Variants in DERA observed in about 807,000 individuals in gnomAD.
DERA encodes 2-deoxy-D-ribose 5-phosphate aldolase.
A neutral mutation model predicts 41.1 loss-of-function variants in DERA; 15 were observed. The observed-to-expected ratio is 0.37, with a 90% CI of 0.24 to 0.56. The LOEUF (loss-of-function observed/expected upper bound fraction) is 0.56, where lower values mean the gene tolerates loss of function less well. Ranked by LOEUF, DERA falls within the 20% of genes least tolerant of loss-of-function variation. The pLI is 0.81. For missense variants in DERA, 396 were observed against 403.4 expected (o/e 0.98, Z 0.16); for synonymous variants, 139 against 137.4 (o/e 1.01, Z -0.08).
At position 15,966,403 on chromosome 12, in the gene DERA, G is replaced by T. The variant is rs1256265814; in HGVS notation, c.508+3456G>T. 6.6e-6 allele frequency among the ~76,000 whole-genome samples: 1 copy of T among 151,912 alleles called. No individual in the cohort carries two copies. Among genetic ancestry groups the T allele is most frequent in the East Asian group, 1.9e-4 (1 of 5,178 alleles). ...TGCTTGAACCTGGGAGGCAGAGGTTGCAGGGAGCCAAGATTGCGCCACTGC... is the reference window on the plus strand; with the variant it reads ...TGCTTGAACCTGGGAGGCAGAGGTTTCAGGGAGCCAAGATTGCGCCACTGC... On this transcript the variant is annotated intron_variant, in intron 5 of 8. Transcript: ENST00000428559. The surrounding 1 kb of genome is among the most constrained non-coding windows in gnomAD (Gnocchi z 5.1).
chr12:16,015,478 C>T (rs1465227469), intron 6 of DERA, among the ~76,000 whole-genome samples: 1 of 152,172 alleles, frequency 6.6e-6, no homozygotes, highest in East Asian at 1.9e-4. Context: ...GCCTAGCTTC[C>T]TTTTCATCTT....
In DERA at chr12:15,990,470, T is replaced by A. The variant is rs1376960780; in HGVS notation, c.637+8034T>A. ...TTTAGTTTTATTTTTAACTTTTAAGTTCAGGGGTACAAGTACAGGTTTGTT... is the reference window on the plus strand; with the variant it reads ...TTTAGTTTTATTTTTAACTTTTAAGATCAGGGGTACAAGTACAGGTTTGTT... On this transcript the variant is annotated intron_variant, in intron 6 of 8. Transcript: ENST00000428559. The surrounding 1 kb of genome is among the most constrained non-coding windows in gnomAD (Gnocchi z 4.3). Among the ~76,000 whole-genome samples, 2 of 152,174 alleles carry A rather than the reference T, an allele frequency of 1.3e-5. No homozygotes were observed. Among genetic ancestry groups the A allele is most frequent in the African/African-American group, 4.8e-5 (2 of 41,452 alleles).
At position 16,035,488 on chromosome 12, in the gene DERA, A is replaced by G. The variant is rs1444595825; in HGVS notation, c.751-744A>G. 2.0e-5 allele frequency among the ~76,000 whole-genome samples: 3 copies of G among 152,202 alleles called. No homozygotes were observed. Among genetic ancestry groups the G allele is most frequent in the Non-Finnish European group, 2.9e-5 (2 of 68,036 alleles). The stretch of plus-strand genomic sequence containing the variant: ...ATCAGAGTTTTATTGTATATGGAAC[A>G]TATCTTTCATTTCCTAATGGATCCA... On this transcript the variant is annotated intron_variant, in intron 7 of 8. Transcript: ENST00000428559. This position sits in a 1 kb window ranked among gnomAD's most constrained non-coding sequence, Gnocchi z 4.1.
intron 1 of DERA, among the ~76,000 whole-genome samples, chr12:15,946,158 A>G (rs559107725): frequency 2.0e-5 from 3 of 152,100 alleles, no homozygotes; most frequent in Non-Finnish European, 2.9e-5. Context: ...TTTTGCATCG[A>G]TGTTCATCAG....
intron 7 of DERA, among the ~76,000 whole-genome samples, chr12:16,033,544 CAA>C (rs971983807): frequency 1.3e-5 from 2 of 148,592 alleles, no homozygotes; most frequent in African/African-American, 5.0e-5. Flanking sequence ...CAAATTATCT[CAA>C]AGGATTTTTT....
At position 15,965,456 on chromosome 12, in the gene DERA, A is replaced by G. The variant is rs1948615598; in HGVS notation, c.508+2509A>G. Among the ~76,000 whole-genome samples, 1 of 151,612 alleles carries G rather than the reference A, an allele frequency of 6.6e-6. No individual in the cohort carries two copies. Among genetic ancestry groups the G allele is most frequent in the Non-Finnish European group, 1.5e-5 (1 of 67,878 alleles). On this transcript the variant is annotated intron_variant, in intron 5 of 8. Coordinates refer to ENST00000428559, the MANE Select transcript of DERA (RefSeq NM_015954.4). The surrounding 1 kb of genome is among the most constrained non-coding windows in gnomAD (Gnocchi z 4.1). Reference sequence around the variant, plus strand: ...TTTCCCTAATGCACTACCTGCCTCCACCCTCCCCCAACAGGCCCCACTGTG... The same window carrying G: ...TTTCCCTAATGCACTACCTGCCTCCGCCCTCCCCCAACAGGCCCCACTGTG...
At position 15,913,045 on chromosome 12, in the gene DERA, C is replaced by T. The variant is rs1022486393; in HGVS notation, c.31+1631C>T. On this transcript the variant is annotated intron_variant, in intron 1 of 8. Coordinates refer to ENST00000428559, the MANE Select transcript of DERA (RefSeq NM_015954.4). This position sits in a 1 kb window ranked among gnomAD's most constrained non-coding sequence, Gnocchi z 4.5. ...TGGGGTGGTGTCTTACCTGGGTATTCCCAGGAATATGACCATGTGACTATG... is the reference window on the plus strand; with the variant it reads ...TGGGGTGGTGTCTTACCTGGGTATTTCCAGGAATATGACCATGTGACTATG... 4.6e-5 allele frequency among the ~76,000 whole-genome samples: 7 copies of T among 152,100 alleles called. No individual in the cohort carries two copies. Among genetic ancestry groups the T allele is most frequent in the Non-Finnish European group, 2.9e-5 (2 of 68,024 alleles).
At chr12:16,023,510 C>T (rs1222481479) in intron 6 of DERA, among the ~76,000 whole-genome samples, 6 of 139,096 alleles carry the variant, frequency 4.3e-5, no homozygotes, top group Non-Finnish European at 9.1e-5. Context: ...CGGAGTCTCG[C>T]TCTGTCACCC....
chr12:15,986,762 A>G (rs1240904240), intron 6 of DERA, among the ~76,000 whole-genome samples: 1 of 152,218 alleles, frequency 6.6e-6, no homozygotes, highest in Non-Finnish European at 1.5e-5. Flanking sequence ...TGTTTTCCCT[A>G]AATGTATCAC....
At chr12:16,024,785 G>T (rs561262131) in intron 6 of DERA, among the ~76,000 whole-genome samples, 1 of 151,930 alleles carries the variant, frequency 6.6e-6, no homozygotes, top group African/African-American at 2.4e-5. Context: ...AAAAGGAAGC[G>T]CATTAGAGAA....
At position 15,994,477 on chromosome 12, in the gene DERA, G is replaced by A. The variant is rs1034606326; in HGVS notation, c.637+12041G>A. ...ATTAGAAAATTCTTTTTTTTGAGAC[G>A]GAGTCTCGTTCTGTCGCCCAGGCTG... is the stretch of plus-strand genomic sequence containing the variant. On this transcript the variant is annotated intron_variant, in intron 6 of 8. Transcript: ENST00000428559. This position sits in a 1 kb window ranked among gnomAD's most constrained non-coding sequence, Gnocchi z 4.8. Among the ~76,000 whole-genome samples, 3 of 152,020 alleles carry A rather than the reference G, an allele frequency of 2.0e-5. No individual in the cohort carries two copies. The highest frequency in any genetic ancestry group is 4.8e-5 in the African/African-American group (2 of 41,392).
In DERA at chr12:16,013,679, C is replaced by T. The variant is rs760531730; in HGVS notation, c.638-18863C>T. Among the ~76,000 whole-genome samples, 2 of 152,068 alleles carry T rather than the reference C, an allele frequency of 1.3e-5. No homozygotes were observed. The highest frequency in any genetic ancestry group is 2.9e-5 in the Non-Finnish European group (2 of 68,008). ...TAGTGGGACACTGCTATAAGGATAC[C>T]CGAAAATGCGGAAGCAACTTTGGAA... On this transcript the variant is annotated intron_variant, in intron 6 of 8. Coordinates refer to ENST00000428559, the MANE Select transcript of DERA (RefSeq NM_015954.4). The surrounding 1 kb of genome is among the most constrained non-coding windows in gnomAD (Gnocchi z 5.8).
At chr12:15,980,834 A>G (rs1207358456) in intron 5 of DERA, among the ~76,000 whole-genome samples, 2 of 151,936 alleles carry the variant, frequency 1.3e-5, no homozygotes, top group African/African-American at 4.8e-5. Flanking sequence ...TTCATTTTTC[A>G]CTTCTGAGCT....
rs1948631175 is a variant in DERA at position 15,967,531 on chromosome 12, G to A, written c.508+4584G>A. Among the ~76,000 whole-genome samples the A allele has an allele frequency of 6.6e-6, 1 of 152,086 alleles. No individual in the cohort carries two copies. The highest frequency in any genetic ancestry group is 6.6e-5 in the Admixed American group (1 of 15,264). On this transcript the variant is annotated intron_variant, in intron 5 of 8. Transcript: ENST00000428559. The surrounding 1 kb of genome is among the most constrained non-coding windows in gnomAD (Gnocchi z 4.9). ...AATTTTTTCTTGATTATTCCAAACT[G>A]TTTCATTACTGATTATATTATCCCA...
intron 6 of DERA, among the ~76,000 whole-genome samples, chr12:16,002,349 G>A (rs55850346): frequency 0.22 from 32,835 of 151,836 alleles, 4,453 homozygotes; most frequent in East Asian, 0.38. Context: ...ATAACCTTTA[G>A]TTAAATGTGG....
At chr12:15,987,446 G>A (rs112393763) in intron 6 of DERA, among the ~76,000 whole-genome samples, 9,779 of 151,440 alleles carry the variant, frequency 0.065, 1,012 homozygotes, top group African/African-American at 0.22. Flanking sequence ...CATATTGGCC[G>A]GGTTGGTCTG....
At chr12:15,912,886 T>G (rs1948174848) in intron 1 of DERA, among the ~76,000 whole-genome samples, 1 of 152,212 alleles carries the variant, frequency 6.6e-6, no homozygotes, top group Admixed American at 6.5e-5. Flanking sequence ...ACCTGGTTGA[T>G]TTTGTTTTAG....
rs200811658 is a variant in DERA, at chr12:15,959,907, A to G, written c.356A>G (p.Asn119Ser). ...AAAGCACTCAAGGCTGCAGGCTGTA[A>G]TATCCCTGTGGCATCAGGTAAAATG... The part of the protein sequence containing the change: ...AVKALKAAGC[N>S]IPVASVAAGF... Residue 119 changes from asparagine (N) to serine (S), a missense_variant, in exon 4 of 9, where the codon AAT (asparagine) becomes AGT (serine). Asn to Ser is a conservative substitution (Grantham distance 46). Transcript: ENST00000428559. The surrounding 1 kb of genome is among the most constrained non-coding windows in gnomAD (Gnocchi z 4.5). 1.7e-5 allele frequency: 27 copies of G among 1,547,806 alleles called. No homozygotes were observed. The African/African-American group carries it at 2.5e-4, about 14-fold the overall frequency.
chr12:15,946,704 G>T (rs2136139772), intron 1 of DERA, among the ~76,000 whole-genome samples: 1 of 152,142 alleles, frequency 6.6e-6, no homozygotes, highest in South Asian at 2.1e-4. Context: ...TTTTCGAAGG[G>T]TTTTTTGTGT....
Sources: allele counts gnomAD v4.1 joint callset (sites outside exome capture counted in the v4.1 genomes callset), GRCh38; gene constraint gnomAD v4.1.1; non-coding constraint Gnocchi (gnomAD v3.1); transcripts MANE v1.5; gene names NCBI Gene and HGNC (gene_info 2026-07-23, HGNC 2026-07-21).